The following RANBP2 variants were observed in gnomAD, a reference collection of about 807,000 sequenced individuals.
The protein encoded by RANBP2 is RAN binding protein 2.
In RANBP2, 57 loss-of-function variants were observed where a neutral mutation model predicts 303.6. The observed-to-expected ratio is 0.19, with a 90% CI of 0.15 to 0.23. The LOEUF is 0.23. RANBP2 is among the 10% of genes least tolerant of loss of function. The probability of loss-of-function intolerance (pLI) is 1.00; values close to 1 mark genes in which losing one functional copy is unlikely to be tolerated. For missense variants in RANBP2, 3,138 were observed against 3,780.8 expected, an observed-to-expected ratio of 0.83 and a Z score of 4.46; for synonymous variants, 1,167 against 1,301.5, an observed-to-expected ratio of 0.90 and a Z score of 2.23.
the RANBP2 span, among the ~76,000 whole-genome samples, chr2:109,081,520 A>T: frequency 6.6e-6 from 1 of 152,180 alleles, no homozygotes; most frequent in East Asian, 1.9e-4. Context: ...ATGACAGATT[A>T]GGTCAAGCCT....
chr2:109,481,213 G>T, the RANBP2 span, among the ~76,000 whole-genome samples: 1 of 152,232 alleles, frequency 6.6e-6, no homozygotes. Flanking sequence ...CAGACGTCAG[G>T]TTGGGTGGCG....
chr2:109,352,602 C>T, the RANBP2 span, among the ~76,000 whole-genome samples: 4 of 152,238 alleles, frequency 2.6e-5, no homozygotes, highest in East Asian at 1.9e-4. Context: ...CGGAGCTCCA[C>T]GTCGTTCTCT....
intron 4 of RANBP2, among the ~76,000 whole-genome samples, chr2:108,732,876 T>G (rs2149114461): frequency 6.6e-6 from 1 of 152,296 alleles, no homozygotes; most frequent in Admixed American, 6.5e-5. Flanking sequence ...CAGGTTAGAG[T>G]TCACTGGCGC....
chr2:108,896,211 T>G, the RANBP2 span: 3 of 152,454 alleles, frequency 2.0e-5, no homozygotes, highest in Admixed American at 6.5e-5. Flanking sequence ...CTTCCATTAT[T>G]GACTGGAAGG....
chr2:109,293,706 T>C, the RANBP2 span, among the ~76,000 whole-genome samples: 7 of 152,220 alleles, frequency 4.6e-5, no homozygotes, highest in Non-Finnish European at 1.0e-4. Flanking sequence ...GTCCTAGCAA[T>C]GTTCATGTTG....
chr2:109,296,943 C>T, the RANBP2 span, among the ~76,000 whole-genome samples: 1 of 152,114 alleles, frequency 6.6e-6, no homozygotes, highest in East Asian at 1.9e-4. Flanking sequence ...TTAACTAGGC[C>T]TGGGGACCTA....
chr2:108,958,606 C>T, the RANBP2 span, among the ~76,000 whole-genome samples: 2 of 152,096 alleles, frequency 1.3e-5, no homozygotes, highest in African/African-American at 4.8e-5. Flanking sequence ...CCCTATTGCT[C>T]GGGACAGCTA....
At chr2:109,528,011 T>C in the RANBP2 span, among the ~76,000 whole-genome samples, 3 of 152,204 alleles carry the variant, frequency 2.0e-5, no homozygotes, top group Admixed American at 6.5e-5. Flanking sequence ...GTCTGTGGGC[T>C]GTGCCCATGA....
At chr2:109,015,118 C>CAAAAAAAAAAAAAAAAAAAAAAAAAA in the RANBP2 span, among the ~76,000 whole-genome samples, 1 of 68,812 alleles carries the variant, frequency 1.5e-5, no homozygotes, top group Non-Finnish European at 2.5e-5. Flanking sequence ...GACTCCATCT[C>CAAAAAAAAAAAAAAAAAAAAAAAAAA]AAAAAAAAAA....
At chr2:108,998,943 C>G in the RANBP2 span, among the ~76,000 whole-genome samples, 1 of 152,216 alleles carries the variant, frequency 6.6e-6, no homozygotes, top group Non-Finnish European at 1.5e-5. Context: ...CTCACTGTCC[C>G]CAAGCTTGCT....
chr2:109,432,479 T>G, the RANBP2 span: 1 of 1,612,038 alleles, frequency 6.2e-7, no homozygotes, highest in Admixed American at 1.7e-5. Context: ...CCACTGACAC[T>G]GGCCCCATGC....
At chr2:109,004,975 G>A in the RANBP2 span, among the ~76,000 whole-genome samples, 3 of 152,192 alleles carry the variant, frequency 2.0e-5, no homozygotes, top group African/African-American at 4.8e-5. Flanking sequence ...TTCAGAGCCC[G>A]GTGGTTATTT....
the RANBP2 span, among the ~76,000 whole-genome samples, chr2:109,279,735 G>A: frequency 1.5e-5 from 2 of 135,852 alleles, no homozygotes; most frequent in East Asian, 2.4e-4. Context: ...AATTCAGTAC[G>A]CTTGGGAGCA....
At chr2:109,353,114 C>T in the RANBP2 span, among the ~76,000 whole-genome samples, 298 of 152,348 alleles carry the variant, frequency 2.0e-3, 1 homozygote, top group Non-Finnish European at 3.4e-3. Context: ...TGGCTCTCCA[C>T]CTGTCCCGGA....
the RANBP2 span, among the ~76,000 whole-genome samples, chr2:109,006,268 G>C: frequency 2.0e-5 from 3 of 151,640 alleles, no homozygotes; most frequent in African/African-American, 7.3e-5. Context: ...ATCTCGGCTC[G>C]CTGCAACCTC....
the RANBP2 span, chr2:108,804,839 T>A: frequency 1.2e-5 from 17 of 1,428,444 alleles, no homozygotes; most frequent in Non-Finnish European, 1.6e-5. Flanking sequence ...GTATTAGTGA[T>A]ATACAGTCCT....
At chr2:108,722,843 A>G (rs1694378122) in intron 1 of RANBP2, among the ~76,000 whole-genome samples, 1 of 151,680 alleles carries the variant, frequency 6.6e-6, no homozygotes, top group African/African-American at 2.4e-5. Context: ...GTGAGCAGAG[A>G]TTGCACCACT....
chr2:109,113,609 C>A, the RANBP2 span, among the ~76,000 whole-genome samples: 2 of 152,096 alleles, frequency 1.3e-5, no homozygotes, highest in Non-Finnish European at 2.9e-5. Flanking sequence ...CTCTTTTCCT[C>A]ATTGAATACC....
the RANBP2 span, among the ~76,000 whole-genome samples, chr2:109,713,012 A>C: frequency 6.6e-6 from 1 of 152,182 alleles, no homozygotes; most frequent in South Asian, 2.1e-4. Flanking sequence ...ACGGAATATG[A>C]AAAAAATCCA....
Sources: allele counts gnomAD v4.1 joint callset (sites outside exome capture counted in the v4.1 genomes callset), GRCh38; gene constraint gnomAD v4.1.1; transcripts MANE v1.5; gene names NCBI Gene and HGNC (gene_info 2026-07-23, HGNC 2026-07-21).